The following COPB1 variants were observed in gnomAD, a reference collection of about 807,000 sequenced individuals.
The protein encoded by COPB1 is coat protein complex I subunit beta 1.
COPB1 carries 21 observed loss-of-function variants against 108.7 expected under a neutral mutation model. The observed-to-expected ratio is 0.19, with a 90% CI of 0.14 to 0.28. The LOEUF is 0.28. Ranked by LOEUF, COPB1 falls within the 10% of genes least tolerant of loss-of-function variation. The probability of loss-of-function intolerance (pLI) is 1.00; values close to 1 mark genes in which losing one functional copy is unlikely to be tolerated. For synonymous variants in COPB1, 378 were observed against 386.8 expected (o/e 0.98, Z 0.27); for missense variants, 919 against 1,141.3 (o/e 0.81, Z 2.81).
At chr11:14,491,722 A>T (rs188382433) in intron 4 of COPB1, among the ~76,000 whole-genome samples, 2 of 151,564 alleles carry the variant, frequency 1.3e-5, no homozygotes, top group Non-Finnish European at 1.5e-5. Context: ...TTATACCTTC[A>T]TCTATTAAAT....
At chr11:14,467,683 C>T (rs1850313602) in intron 16 of COPB1, among the ~76,000 whole-genome samples, 1 of 152,196 alleles carries the variant, frequency 6.6e-6, no homozygotes, top group South Asian at 2.1e-4. Context: ...GTGGCATATA[C>T]TTACAATGTA....
intron 7 of COPB1, among the ~76,000 whole-genome samples, chr11:14,485,875 T>C (rs1326830035): frequency 3.9e-5 from 6 of 152,118 alleles, no homozygotes; most frequent in Non-Finnish European, 7.3e-5. Flanking sequence ...ATTTTGTATG[T>C]TAAATGTATT....
intron 4 of COPB1, among the ~76,000 whole-genome samples, chr11:14,492,323 CATTATT>C (rs970783993): frequency 8.6e-5 from 13 of 151,326 alleles, no homozygotes; most frequent in African/African-American, 2.2e-4. Flanking sequence ...ACTCACCCTA[CATTATT>C]ATTATTATTA....
In COPB1 at chr11:14,494,466, A is replaced by AAG. The variant is rs751865020; in HGVS notation, c.92-28_92-27insCT. 2.2e-6 allele frequency: 3 copies of AAG among 1,348,550 alleles called. No homozygotes were observed. The African/African-American group carries it at 4.4e-5, about 20-fold the overall frequency. The allele number at this position is 1,348,550 out of a possible 1,614,324, so 83.5% of individuals were successfully genotyped here. On this transcript the variant is annotated intron_variant, in intron 2 of 21. Coordinates refer to ENST00000439561, the MANE Select transcript of COPB1 (RefSeq NM_001144061.2). ...TGAATCAAAAATTTTTTTAAAAAAA[A>AAG]GCACAATTATTTCAAAAGAAAATTC...
chr11:14,468,762 C>T lies in COPB1; in HGVS notation c.2064G>A (p.Gln688=). ...TTGCTGCCAGTAAACTCAGCTGAAA[C>T]TGATCTTCCTTGCAGTTCATTTCAT... ...AKNEMNCKED[Q]FQLSLLAAMG... Residue 688 remains glutamine, a synonymous_variant, in exon 16 of 22, where the codon CAG becomes CAA. Coordinates refer to ENST00000439561, the MANE Select transcript of COPB1 (RefSeq NM_001144061.2). 2 of 1,614,164 alleles carry T rather than the reference C, an allele frequency of 1.2e-6. No homozygotes were observed. Among genetic ancestry groups the T allele is most frequent in the South Asian group, 2.2e-5 (2 of 91,086 alleles).
chr11:14,487,097 T>C (rs1334459960), intron 6 of COPB1, among the ~76,000 whole-genome samples: 1 of 152,234 alleles, frequency 6.6e-6, no homozygotes, highest in East Asian at 1.9e-4. Flanking sequence ...TACTTATTAT[T>C]TGAGACTATA....
At chr11:14,492,074 A>G (rs1293936422) in intron 4 of COPB1, among the ~76,000 whole-genome samples, 1 of 152,216 alleles carries the variant, frequency 6.6e-6, no homozygotes, top group Non-Finnish European at 1.5e-5. Flanking sequence ...ATTATTTTGA[A>G]GCAAATCACA....
intron 14 of COPB1, among the ~76,000 whole-genome samples, chr11:14,470,899 T>TACAC (rs56957263): frequency 0.021 from 2,885 of 134,708 alleles, 39 homozygotes; most frequent in East Asian, 0.059. Flanking sequence ...GTGGAAGAAA[T>TACAC]ACACACACAC....
chr11:14,480,429 G>C (rs1850635911), intron 10 of COPB1, among the ~76,000 whole-genome samples: 1 of 152,070 alleles, frequency 6.6e-6, no homozygotes, highest in African/African-American at 2.4e-5. Context: ...TCCTTTAAGA[G>C]CTAAAGCTAT....
At chr11:14,492,390 C>T (rs1850922588) in intron 4 of COPB1, among the ~76,000 whole-genome samples, 1 of 152,094 alleles carries the variant, frequency 6.6e-6, no homozygotes, top group South Asian at 2.1e-4. Context: ...GTTGCCCAGG[C>T]TAGAGTGCAA....
At chr11:14,469,608 A>C in intron 14 of COPB1, 45 bp from the exon 15 acceptor site, 1 of 1,477,876 alleles carries the variant, frequency 6.8e-7, no homozygotes. Context: ...CTTGATTCTC[A>C]GATTGCAATC....
chr11:14,464,706 GAC>G (rs1850240503), intron 18 of COPB1, among the ~76,000 whole-genome samples: 1 of 151,958 alleles, frequency 6.6e-6, no homozygotes, highest in Non-Finnish European at 1.5e-5. Context: ...CCTTTTGCCT[GAC>G]AGTTTCTAGA....
chr11:14,486,223 T>G, intron 7 of COPB1, 144 bp downstream of exon 7: 1 of 923,136 alleles, frequency 1.1e-6, no homozygotes, highest in Non-Finnish European at 1.7e-6. Context: ...GGCTGAACAA[T>G]GTAAGGCATC....
chr11:14,474,764 GAAGA>G (rs1850482557), intron 13 of COPB1, 149 bp from the exon 14 acceptor site: 2 of 1,200,520 alleles, frequency 1.7e-6, no homozygotes, highest in Non-Finnish European at 2.2e-6. Context: ...TTAGCTCCCA[GAAGA>G]AAGAAGGAAA....
chr11:14,498,008 G>C (rs1851064044), intron 2 of COPB1, among the ~76,000 whole-genome samples: 1 of 152,196 alleles, frequency 6.6e-6, no homozygotes, highest in Non-Finnish European at 1.5e-5. Context: ...AACTCACGGA[G>C]ACAGAGTAAA....
chr11:14,474,610 G>A lies in COPB1; in HGVS notation c.1622C>T (p.Pro541Leu), dbSNP rs1850477801. The A allele has an allele frequency of 6.2e-7, 1 of 1,613,288 alleles. No individual in the cohort carries two copies. Among genetic ancestry groups the A allele is most frequent in the African/African-American group, 1.3e-5 (1 of 74,862 alleles). ...RPTKKEEDRPPLRGFLLDGDF... is the reference protein window; with the variant it reads ...RPTKKEEDRPLLRGFLLDGDF... The stretch of plus-strand genomic sequence containing the variant: ...TCCATCCAGAAGGAATCCTCTCAAG[G>A]GAGGTCTGCAAAGCAACCAAGGAAA... The change falls in exon 14 of 22, where the codon CCC becomes CTC. Residue 541 changes from proline to leucine, a missense_variant. Transcript: ENST00000439561.
chr11:14,460,360 C>T, intron 19 of COPB1, 63 bp from the exon 20 acceptor site: 6 of 1,014,778 alleles, frequency 5.9e-6, no homozygotes, highest in Non-Finnish European at 9.0e-6. Flanking sequence ...CTGTGAATCA[C>T]CAGTATGTCA....
intron 8 of COPB1, 111 bp downstream of exon 8, chr11:14,482,920 TA>T: frequency 2.1e-6 from 2 of 958,248 alleles, no homozygotes; most frequent in Non-Finnish European, 3.0e-6. Context: ...GATCAAAATA[TA>T]AACTGCTCAG....
At chr11:14,469,251 C>G (rs527346090) in intron 15 of COPB1, 85 bp downstream of exon 15, 2 of 1,127,218 alleles carry the variant, frequency 1.8e-6, no homozygotes, top group Non-Finnish European at 2.7e-6. Flanking sequence ...CCTGCCTCAG[C>G]CTCCCAAAGT....
Sources: allele counts gnomAD v4.1 joint callset (sites outside exome capture counted in the v4.1 genomes callset), GRCh38; gene constraint gnomAD v4.1.1; transcripts MANE v1.5; gene names NCBI Gene and HGNC (gene_info 2026-07-23, HGNC 2026-07-21).